The following DMD variants were observed in gnomAD, a reference collection of about 807,000 sequenced individuals.
DMD encodes mutant dystrophin.
In DMD, 63 loss-of-function variants were observed where a neutral mutation model predicts 330.1. The observed-to-expected ratio is 0.19, with a 90% CI of 0.16 to 0.24. The LOEUF (loss-of-function observed/expected upper bound fraction) is 0.24, where lower values mean the gene tolerates loss of function less well. Ranked by LOEUF, DMD falls within the 10% of genes least tolerant of loss-of-function variation. The pLI is 1.00. For missense variants in DMD, 3,344 were observed against 2,684.1 expected (o/e 1.25, Z -5.43); for synonymous variants, 1,223 against 959.8 (o/e 1.27, Z -5.07).
intron 67 of DMD, among the ~76,000 whole-genome samples, chrX:31,192,588 C>A (rs934106600): frequency 9.0e-6 from 1 of 111,532 alleles, no homozygotes; most frequent in African/African-American, 3.3e-5. Context: ...GAAATAAGTA[C>A]AATAATCCAT....
chrX:31,417,155 CA>C (rs1432780940), intron 60 of DMD, among the ~76,000 whole-genome samples: 1 of 112,105 alleles, frequency 8.9e-6, no homozygotes, highest in Non-Finnish European at 1.9e-5. Context: ...CAGGAATGTT[CA>C]TTTGTTCCAA....
chrX:31,417,959 G>A (rs2063155178), intron 60 of DMD, among the ~76,000 whole-genome samples: 2 of 108,445 alleles, frequency 1.8e-5, no homozygotes. Context: ...AAAGTGCTGG[G>A]ATTACAGGCG....
At position 32,024,814 on chromosome X, in the gene DMD, C is replaced by G. The variant is rs899646125; in HGVS notation, c.6439-56300G>C. The stretch of plus-strand genomic sequence containing the variant: ...ATCATCATGATTATTATCATCATCG[C>G]CATCATCATTATTACTATTGCTGAA... On this transcript the variant is annotated intron_variant, in intron 44 of 78. Transcript: ENST00000357033. Among the ~76,000 whole-genome samples, 2 of 111,720 alleles carry G rather than the reference C, an allele frequency of 1.8e-5. 1 individual carries two copies. Among genetic ancestry groups the G allele is most frequent in the Admixed American group, 1.9e-4 (2 of 10,514 alleles).
chrX:32,909,336 C>T (rs183272353), intron 2 of DMD, among the ~76,000 whole-genome samples: 3 of 111,281 alleles, frequency 2.7e-5, no homozygotes, highest in African/African-American at 9.8e-5. Flanking sequence ...GTAGTTTAAA[C>T]TCAATACATA....
chrX:32,177,623 TCTCA>T (rs923944370), intron 44 of DMD, among the ~76,000 whole-genome samples: 5 of 110,238 alleles, frequency 4.5e-5, no homozygotes, highest in African/African-American at 1.7e-4. Flanking sequence ...TCTCTCTCTC[TCTCA>T]ATCTCTCTCT....
chrX:32,510,114 C>T lies in DMD; in HGVS notation c.2292+7894G>A, dbSNP rs189314482. On this transcript the variant is annotated intron_variant, in intron 18 of 78. Transcript: ENST00000357033. ...CACAGCAGACAGAGACAACAGGATT[C>T]AGCTCAACTCGCTGACAGCTGAATA... 1.4e-3 allele frequency among the ~76,000 whole-genome samples: 153 copies of T among 112,068 alleles called. 1 individual carries two copies. Among genetic ancestry groups the T allele is most frequent in the Non-Finnish European group, 2.5e-3 (133 of 53,219 alleles).
intron 55 of DMD, among the ~76,000 whole-genome samples, chrX:31,599,941 A>G (rs1603418032): frequency 9.1e-6 from 1 of 109,486 alleles, no homozygotes; most frequent in East Asian, 2.9e-4. Context: ...TTTATTTCTT[A>G]TTTTTTTTTG....
intron 20 of DMD, among the ~76,000 whole-genome samples, chrX:32,487,752 C>T (rs1569564764): frequency 9.0e-6 from 1 of 110,785 alleles, no homozygotes; most frequent in East Asian, 2.8e-4. Flanking sequence ...ACGATTCAAT[C>T]GTTTTGGTGG....
intron 1 of DMD, among the ~76,000 whole-genome samples, chrX:33,304,445 C>T (rs376645487): frequency 3.2e-3 from 352 of 110,672 alleles, no homozygotes; most frequent in African/African-American, 0.011. Flanking sequence ...AAACGTTAGA[C>T]CTAAAACCAT....
At chrX:32,695,094 T>C (rs1603105940) in intron 9 of DMD, among the ~76,000 whole-genome samples, 1 of 112,624 alleles carries the variant, frequency 8.9e-6, no homozygotes, top group African/African-American at 3.2e-5. Context: ...TGGCACATAA[T>C]AGGTGATTCA....
intron 13 of DMD, among the ~76,000 whole-genome samples, chrX:32,587,829 C>A (rs940091477): frequency 3.6e-5 from 4 of 111,724 alleles, no homozygotes; most frequent in African/African-American, 1.3e-4. Context: ...ATTATTATTG[C>A]TTACTATATT....
intron 2 of DMD, among the ~76,000 whole-genome samples, chrX:32,860,417 C>T (rs2081986739): frequency 8.9e-6 from 1 of 111,808 alleles, no homozygotes; most frequent in Non-Finnish European, 1.9e-5. Flanking sequence ...CAAGATACTT[C>T]TGCAATTACA....
intron 7 of DMD, among the ~76,000 whole-genome samples, chrX:32,804,485 C>T (rs905356433): frequency 3.6e-5 from 4 of 112,419 alleles, no homozygotes; most frequent in African/African-American, 1.3e-4. Context: ...CAGCGGCTTA[C>T]AGATAAAACT....
chrX:32,336,378 A>G (rs1462030645), intron 41 of DMD, among the ~76,000 whole-genome samples: 1 of 111,861 alleles, frequency 8.9e-6, no homozygotes, highest in Non-Finnish European at 1.9e-5. Flanking sequence ...TTAATTTTCT[A>G]TCAGCCTTCC....
At chrX:31,324,909 C>T (rs965758332) in intron 61 of DMD, among the ~76,000 whole-genome samples, 10 of 112,152 alleles carry the variant, frequency 8.9e-5, no homozygotes, top group Non-Finnish European at 1.7e-4. Context: ...AATGAAACTC[C>T]AGCTTCTTTG....
intron 2 of DMD, among the ~76,000 whole-genome samples, chrX:32,913,982 C>T (rs1376187100): frequency 9.0e-6 from 1 of 111,553 alleles, no homozygotes; most frequent in African/African-American, 3.3e-5. Context: ...CCTTACTTCC[C>T]CTGCCTCCCA....
chrX:33,332,279 G>C (rs192494424), intron 1 of DMD, among the ~76,000 whole-genome samples: 2 of 111,733 alleles, frequency 1.8e-5, no homozygotes, highest in Non-Finnish European at 3.8e-5. Flanking sequence ...GCTAACATTT[G>C]TTAACTTGAT....
intron 2 of DMD, among the ~76,000 whole-genome samples, chrX:32,880,724 C>T (rs2083855928): frequency 8.9e-6 from 1 of 112,135 alleles, no homozygotes; most frequent in African/African-American, 3.2e-5. Context: ...GTGGGAAGAC[C>T]ACCTGAGGTC....
intron 41 of DMD, among the ~76,000 whole-genome samples, chrX:32,328,725 T>G (rs930152509): frequency 9.0e-6 from 1 of 110,521 alleles, no homozygotes; most frequent in Non-Finnish European, 1.9e-5. Context: ...TCACAAAAGT[T>G]CTGCCCTTTA....
Sources: allele counts gnomAD v4.1 joint callset (sites outside exome capture counted in the v4.1 genomes callset), GRCh38; gene constraint gnomAD v4.1.1; transcripts MANE v1.5; gene names NCBI Gene and HGNC (gene_info 2026-07-23, HGNC 2026-07-21).